Variants in ANO10 observed in about 807,000 individuals in gnomAD.
ANO10 encodes the protein anoctamin 10, also known as anoctamin-10.
In ANO10, 77 loss-of-function variants were observed where a neutral mutation model predicts 74.7. The ratio of observed to expected loss-of-function variants is 1.03; its 90% CI spans 0.86 to 1.25. The LOEUF is 1.25. Ranked by LOEUF, ANO10 falls within the 50% of genes most tolerant of loss-of-function variation. The pLI, the probability that ANO10 is intolerant of heterozygous loss-of-function variation, is 0.00. For synonymous variants in ANO10, 279 were observed against 284.9 expected (o/e 0.98, Z 0.21); for missense variants, 721 against 778.1 (o/e 0.93, Z 0.87).
At chr3:43,464,590 A>C (rs1241152690) in intron 11 of ANO10, among the ~76,000 whole-genome samples, 3 of 152,124 alleles carry the variant, frequency 2.0e-5, no homozygotes, top group Non-Finnish European at 4.4e-5. Context: ...TGAGGTAGAC[A>C]ATCACTTGAG....
At chr3:43,664,225 C>A (rs2083960608) in intron 1 of ANO10, among the ~76,000 whole-genome samples, 1 of 152,052 alleles carries the variant, frequency 6.6e-6, no homozygotes, top group African/African-American at 2.4e-5. Context: ...GAAATAACAC[C>A]ACACATCTAC....
intron 11 of ANO10, among the ~76,000 whole-genome samples, chr3:43,470,016 AT>A (rs1364174903): frequency 1.2e-4 from 19 of 152,252 alleles, no homozygotes; most frequent in Non-Finnish European, 2.1e-4. Flanking sequence ...TTGGAGTTGT[AT>A]TTTAAAAACT....
intron 12 of ANO10, among the ~76,000 whole-genome samples, chr3:43,393,748 G>A (rs1292517264): frequency 6.6e-6 from 1 of 152,056 alleles, no homozygotes; most frequent in East Asian, 1.9e-4. Context: ...GTTACAAAAG[G>A]TGATGTTGGG....
intron 11 of ANO10, among the ~76,000 whole-genome samples, chr3:43,533,415 G>T (rs780362340): frequency 2.0e-5 from 3 of 151,958 alleles, no homozygotes; most frequent in Non-Finnish European, 4.4e-5. Context: ...AAAAACACTC[G>T]AAAGCTCCCT....
At chr3:43,665,161 G>A (rs1033246503) in intron 1 of ANO10, among the ~76,000 whole-genome samples, 5 of 152,194 alleles carry the variant, frequency 3.3e-5, no homozygotes, top group African/African-American at 1.2e-4. Context: ...TTAAGAAAAT[G>A]TGGCACATAT....
At chr3:43,434,253 T>C (rs888118596) in intron 11 of ANO10, among the ~76,000 whole-genome samples, 6 of 152,186 alleles carry the variant, frequency 3.9e-5, no homozygotes, top group African/African-American at 9.7e-5. Flanking sequence ...CACTGGAAGA[T>C]ACTGATTAAG....
chr3:43,622,065 G>A (rs1415528215), upstream of ANO10: 2 of 152,868 alleles, frequency 1.3e-5, no homozygotes, highest in Non-Finnish European at 2.9e-5. Context: ...GCCTAGATGC[G>A]GTCACACGCA....
chr3:43,685,842 T>TG (rs1360731271), intron 1 of ANO10, among the ~76,000 whole-genome samples: 91 of 152,368 alleles, frequency 6.0e-4, no homozygotes, highest in African/African-American at 2.1e-3. Context: ...ATTAAAGCCT[T>TG]GGTTTCTTAA....
intron 11 of ANO10, among the ~76,000 whole-genome samples, chr3:43,456,913 T>C (rs2075155379): frequency 6.6e-6 from 1 of 152,230 alleles, no homozygotes; most frequent in Non-Finnish European, 1.5e-5. Context: ...TTCTTGTATT[T>C]GTTACTTGTA....
At chr3:43,654,207 G>T (rs2083821236) in intron 1 of ANO10, among the ~76,000 whole-genome samples, 1 of 151,996 alleles carries the variant, frequency 6.6e-6, no homozygotes, top group African/African-American at 2.4e-5. Flanking sequence ...TACATGGAGG[G>T]TTACTCTGTC....
At chr3:43,532,661 G>T (rs1009457822) in intron 11 of ANO10, among the ~76,000 whole-genome samples, 11 of 152,184 alleles carry the variant, frequency 7.2e-5, no homozygotes, top group African/African-American at 2.7e-4. Flanking sequence ...ATCAGGTACA[G>T]AACAGTTTCA....
intron 1 of ANO10, among the ~76,000 whole-genome samples, chr3:43,673,891 A>C (rs1460732902): frequency 6.6e-6 from 1 of 152,028 alleles, no homozygotes. Flanking sequence ...CCCCAATGAC[A>C]CTAGAACTTG....
intron 1 of ANO10, among the ~76,000 whole-genome samples, chr3:43,615,345 T>C (rs1453470384): frequency 6.8e-6 from 1 of 146,650 alleles, no homozygotes; most frequent in African/African-American, 2.5e-5. Context: ...CTGAAGCATG[T>C]GTATATGCAC....
upstream of ANO10, chr3:43,622,062 T>TG (rs1317115917): frequency 6.7e-6 from 1 of 150,372 alleles, no homozygotes; most frequent in Admixed American, 6.6e-5. Flanking sequence ...GGGGCCTAGA[T>TG]GCGGTCACAC....
chr3:43,506,009 T>C (rs1017711384), intron 11 of ANO10, among the ~76,000 whole-genome samples: 3 of 152,306 alleles, frequency 2.0e-5, no homozygotes, highest in East Asian at 3.9e-4. Flanking sequence ...CAAATTCCGA[T>C]GATGAATAAA....
At chr3:43,618,144 A>G (rs1211425186) in intron 1 of ANO10, 2 of 152,222 alleles carry the variant, frequency 1.3e-5, no homozygotes, top group African/African-American at 2.4e-5. Flanking sequence ...CCCCGCATAC[A>G]CCCATCCTTA....
intron 11 of ANO10, among the ~76,000 whole-genome samples, chr3:43,537,479 C>G (rs1427552954): frequency 6.6e-6 from 1 of 151,980 alleles, no homozygotes; most frequent in Non-Finnish European, 1.5e-5. Context: ...TAAAAATGGT[C>G]ACAGCTGGGG....
intron 11 of ANO10, among the ~76,000 whole-genome samples, chr3:43,454,184 C>T (rs1034377419): frequency 3.3e-5 from 5 of 152,088 alleles, no homozygotes; most frequent in African/African-American, 4.8e-5. Context: ...AGGCAGTAGC[C>T]TGGCTGTTCA....
At chr3:43,586,301 G>C (rs1452646198) in intron 4 of ANO10, among the ~76,000 whole-genome samples, 1 of 152,066 alleles carries the variant, frequency 6.6e-6, no homozygotes, top group African/African-American at 2.4e-5. Context: ...GTGGAGCTGT[G>C]GGTCTTGGTG....
Sources: allele counts gnomAD v4.1 joint callset (sites outside exome capture counted in the v4.1 genomes callset), GRCh38; gene constraint gnomAD v4.1.1; transcripts MANE v1.5; gene names NCBI Gene and HGNC (gene_info 2026-07-23, HGNC 2026-07-21).